JARID2: variants seen among roughly 807,000 people sequenced by gnomAD.
JARID2 encodes jumonji and AT-rich interaction domain containing 2.
A neutral mutation model predicts 125.6 loss-of-function variants in JARID2; 21 were observed. That is an observed-to-expected ratio of 0.17 (90% CI 0.12 to 0.24). JARID2 has a LOEUF of 0.24. JARID2 is among the 10% of genes least tolerant of loss of function. The probability of loss-of-function intolerance (pLI) is 1.00; values close to 1 mark genes in which losing one functional copy is unlikely to be tolerated. For synonymous variants in JARID2, 736 were observed against 661.6 expected (o/e 1.11, Z -1.73); for missense variants, 1,303 against 1,639.6 (o/e 0.79, Z 3.55).
chr6:15,310,091 G>A, intron 1 of JARID2, among the ~76,000 whole-genome samples: 1 of 152,146 alleles, frequency 6.6e-6, no homozygotes, highest in East Asian at 1.9e-4. Context: ...GCTTTCCCAG[G>A]TTGGCTGGAT....
intron 4 of JARID2, among the ~76,000 whole-genome samples, chr6:15,461,757 C>T (rs1561878283): frequency 6.6e-6 from 1 of 152,190 alleles, no homozygotes; most frequent in South Asian, 2.1e-4. Flanking sequence ...AATGTTTCGA[C>T]TGAAGACATT....
intron 2 of JARID2, among the ~76,000 whole-genome samples, chr6:15,408,230 C>T (rs1249723263): frequency 3.9e-5 from 6 of 152,270 alleles, no homozygotes; most frequent in Admixed American, 2.0e-4. Context: ...CCAGCCTGGG[C>T]AACAGAGCGA....
At chr6:15,461,694 T>C (rs749398406) in intron 4 of JARID2, among the ~76,000 whole-genome samples, 5 of 152,174 alleles carry the variant, frequency 3.3e-5, no homozygotes, top group African/African-American at 4.8e-5. Context: ...CATAATAATA[T>C]CACCTTACTG....
intron 3 of JARID2, among the ~76,000 whole-genome samples, chr6:15,451,160 C>T (rs1223437973): frequency 1.3e-5 from 2 of 152,118 alleles, no homozygotes; most frequent in East Asian, 3.8e-4. Flanking sequence ...AACAAAGAAA[C>T]AAACAAAACA....
chr6:15,466,450 C>T (rs1173656118), intron 4 of JARID2, among the ~76,000 whole-genome samples: 1 of 152,206 alleles, frequency 6.6e-6, no homozygotes, highest in African/African-American at 2.4e-5. Flanking sequence ...TTTAACCTAT[C>T]CCATCTCCTT....
At chr6:15,468,919 A>G (rs1021580623) in intron 5 of JARID2, among the ~76,000 whole-genome samples, 1 of 152,174 alleles carries the variant, frequency 6.6e-6, no homozygotes, top group Non-Finnish European at 1.5e-5. Context: ...AGATACTCTG[A>G]TGATGTGGAG....
At chr6:15,468,017 TTAACC>T (rs1182764444) in intron 4 of JARID2, among the ~76,000 whole-genome samples, 1 of 152,022 alleles carries the variant, frequency 6.6e-6, no homozygotes, top group Admixed American at 6.5e-5. Flanking sequence ...TTGCATCCAG[TTAACC>T]TAATCAGGAC....
chr6:15,512,928 G>A lies in JARID2; in HGVS notation c.3149G>A (p.Arg1050His). The A allele has an allele frequency of 1.2e-6, 2 of 1,613,492 alleles. No homozygotes were observed. Among genetic ancestry groups the A allele is most frequent in the Non-Finnish European group, 8.5e-7 (1 of 1,179,892 alleles). ...GFETAKEMKR[R>H]HIAKPFSMEK... ...CTCCTCTTTCAGGAAATGAAGCGTC[G>A]CCATATAGCTAAGCCATTCTCCATG... Residue 1050 changes from arginine to histidine, a missense_variant, in exon 15 of 18, where the codon CGC becomes CAC. Physicochemically the swap from Arg to His is conservative, Grantham distance 29 (BLOSUM62 0). Coordinates refer to ENST00000341776, the MANE Select transcript of JARID2 (RefSeq NM_004973.4).
In JARID2 at chr6:15,292,141, C is replaced by T. The variant is rs551495684; in HGVS notation, c.45+45557C>T. ...ACGCCATTCTCCTGCCTCAGCCTCC[C>T]GAGTAGCTGGGACCACAGACGCCCG... On this transcript the variant is annotated intron_variant, in intron 1 of 17. Transcript: ENST00000341776. 5.9e-5 allele frequency among the ~76,000 whole-genome samples: 9 copies of T among 152,056 alleles called. No individual in the cohort carries two copies. The East Asian group carries it at 1.2e-3, about 20-fold the overall frequency.
intron 17 of JARID2, among the ~76,000 whole-genome samples, chr6:15,519,158 G>A (rs1171006583): frequency 1.3e-5 from 2 of 152,154 alleles, no homozygotes; most frequent in African/African-American, 4.8e-5. Flanking sequence ...TCCTGTAACC[G>A]CACACTGCCG....
chr6:15,363,387 C>T (rs1763866766), intron 1 of JARID2, among the ~76,000 whole-genome samples: 1 of 152,202 alleles, frequency 6.6e-6, no homozygotes, highest in Non-Finnish European at 1.5e-5. Context: ...CTGATGTCTG[C>T]TCAAGTTTGC....
intron 4 of JARID2, among the ~76,000 whole-genome samples, chr6:15,460,968 G>A (rs1768418052): frequency 6.6e-6 from 1 of 152,174 alleles, no homozygotes; most frequent in Admixed American, 6.5e-5. Flanking sequence ...GCCTCCCAAA[G>A]TGCTGGGATT....
At position 15,415,932 on chromosome 6, in the gene JARID2, G is replaced by A. The variant is rs528401250; in HGVS notation, c.323+5567G>A. 2.1e-3 allele frequency among the ~76,000 whole-genome samples: 312 copies of A among 151,560 alleles called. 1 individual carries two copies. Among genetic ancestry groups the A allele is most frequent in the African/African-American group, 7.1e-3 (292 of 41,350 alleles). On this transcript the variant is annotated intron_variant, in intron 3 of 17. Coordinates refer to ENST00000341776, the MANE Select transcript of JARID2 (RefSeq NM_004973.4). ...CAGAGACGCTCCTCACTTCCCAGAC[G>A]GGGTGGCTGCCGGGCGGAGGGTCTC...
In JARID2 at chr6:15,276,744, G is replaced by C. The variant is rs1488930779; in HGVS notation, c.45+30160G>C. ...TGGGGTTCTCTGGAATGAGCCAGGG[G>C]GTCCTGTTGGCCTGGTCCTTGGAGG... On this transcript the variant is annotated intron_variant, in intron 1 of 17. Coordinates refer to ENST00000341776, the MANE Select transcript of JARID2 (RefSeq NM_004973.4). Among the ~76,000 whole-genome samples, 3 of 152,154 alleles carry C rather than the reference G, an allele frequency of 2.0e-5. No individual in the cohort carries two copies. The East Asian group carries it at 5.8e-4, about 29-fold the overall frequency.
Position 15,501,396 on chromosome 6 carries a change from A to G in JARID2, c.2435A>G (p.Lys812Arg). The G allele has an allele frequency of 1.9e-6, 3 of 1,545,444 alleles. No individual in the cohort carries two copies. Among genetic ancestry groups the G allele is most frequent in the Non-Finnish European group, 2.6e-6 (3 of 1,147,266 alleles). ...AAAGGCGTCCTCAATGACTTCCACA[A>G]GTGCATCTATAAGGTAGGGGCCTCC... ...EDKGVLNDFH[K>R]CIYKGRSVSL... Residue 812 changes from lysine to arginine, a missense_variant, in exon 8 of 18, where the codon AAG becomes AGG. By Grantham distance (26) the Lys-to-Arg change is conservative. Around this residue, in one of 11 missense-constraint regions of JARID2, gnomAD observed 124 missense variants for 131.0 expected, o/e 0.95. Coordinates refer to ENST00000341776, the MANE Select transcript of JARID2 (RefSeq NM_004973.4).
intron 1 of JARID2, among the ~76,000 whole-genome samples, chr6:15,321,783 GTTTTTTTT>G (rs71687714): frequency 8.8e-5 from 6 of 68,474 alleles, no homozygotes; most frequent in African/African-American, 2.9e-4. Flanking sequence ...AAGAATTCTT[GTTTTTTTT>G]TTTTTTTTTT....
intron 3 of JARID2, among the ~76,000 whole-genome samples, chr6:15,427,254 C>T (rs1042003755): frequency 6.6e-6 from 1 of 152,194 alleles, no homozygotes; most frequent in Admixed American, 6.5e-5. Flanking sequence ...AAGCCTGGAC[C>T]TGCCGCAGAA....
chr6:15,466,947 A>G lies in JARID2; in HGVS notation c.494-1595A>G, dbSNP rs964206931. Among the ~76,000 whole-genome samples the G allele has an allele frequency of 2.6e-5, 4 of 152,352 alleles. No homozygotes were observed. In the East Asian group the frequency reaches 7.7e-4, roughly 29 times the overall value. The stretch of plus-strand genomic sequence containing the variant: ...GAGACAATCAAGGGGAGGGGAACAA[A>G]ACATCAAAATGGCTTTTGTAAGACC... On this transcript the variant is annotated intron_variant, in intron 4 of 17. Transcript: ENST00000341776.
Position 15,446,395 on chromosome 6 carries a change from C to T in JARID2, c.324-5611C>T, listed in dbSNP as rs139148967. 1.7e-3 allele frequency among the ~76,000 whole-genome samples: 260 copies of T among 152,348 alleles called. 1 individual carries two copies. Among genetic ancestry groups the T allele is most frequent in the African/African-American group, 6.1e-3 (252 of 41,590 alleles). On this transcript the variant is annotated intron_variant, in intron 3 of 17. Coordinates refer to ENST00000341776, the MANE Select transcript of JARID2 (RefSeq NM_004973.4). ...TGGTCACCTCTCTCCGAGGAGGTGA[C>T]TTCTGTGCAGAGGCTTCTGTGCGGG...
Sources: allele counts gnomAD v4.1 joint callset (sites outside exome capture counted in the v4.1 genomes callset), GRCh38; gene constraint gnomAD v4.1.1; regional missense constraint gnomAD v4.1.1; transcripts MANE v1.5; gene names NCBI Gene and HGNC (gene_info 2026-07-23, HGNC 2026-07-21).